Variants in TNFRSF9 observed in about 807,000 individuals in gnomAD.
TNFRSF9 encodes the protein tumor necrosis factor receptor superfamily member 9.
TNFRSF9 carries 16 observed loss-of-function variants against 28.8 expected under a neutral mutation model. The observed-to-expected ratio is 0.55, with a 90% CI of 0.38 to 0.84. The LOEUF (loss-of-function observed/expected upper bound fraction) is 0.84, where lower values mean the gene tolerates loss of function less well. Among genes scored for constraint, TNFRSF9 ranks in the 40% least tolerant of loss-of-function variants. The probability of loss-of-function intolerance (pLI) is 0.00; values close to 1 mark genes in which losing one functional copy is unlikely to be tolerated. For synonymous variants in TNFRSF9, 131 were observed against 117.0 expected, an observed-to-expected ratio of 1.12 and a Z score of -0.77; for missense variants, 303 against 315.0, an observed-to-expected ratio of 0.96 and a Z score of 0.29.
rs552975957 is a variant in TNFRSF9 at position 7,917,289 on chromosome 1, C to T, written c.*3546G>A. 22 of 152,282 alleles carry T rather than the reference C, an allele frequency of 1.4e-4. No individual in the cohort carries two copies. The highest frequency in any genetic ancestry group is 4.6e-4 in the African/African-American group (19 of 41,552). 9.4% of individuals were successfully genotyped at this position (152,282 alleles called of 1,614,324 possible). A position where few individuals can be genotyped will look rare whatever the true frequency, so the allele number is the denominator to read the frequency against. ...TGGAGGGAGATGTCCTACCGGATAT[C>T]GAGAGCTGTTACAAAGCTATTGTAA... On this transcript the variant is annotated 3_prime_UTR_variant, in exon 8 of 8. Coordinates refer to ENST00000377507, the MANE Select transcript of TNFRSF9 (RefSeq NM_001561.6).
chr1:7,927,285 A>T (rs1218401317), intron 7 of TNFRSF9, among the ~76,000 whole-genome samples: 1 of 152,156 alleles, frequency 6.6e-6, no homozygotes, highest in East Asian at 1.9e-4. Flanking sequence ...TGTTCAAAGG[A>T]TGCAGTCTCA....
chr1:7,929,242 T>G (rs1246333104), intron 7 of TNFRSF9, among the ~76,000 whole-genome samples: 1 of 144,868 alleles, frequency 6.9e-6, no homozygotes, highest in Non-Finnish European at 1.5e-5. Flanking sequence ...ATCAGCTCAC[T>G]GCAACCTCCG....
At chr1:7,940,099 C>A in intron 1 of TNFRSF9, 21 bp from the exon 2 acceptor site, 1 of 755,190 alleles carries the variant, frequency 1.3e-6, no homozygotes, top group South Asian at 2.1e-5. Context: ...TAAACATTTC[C>A]AAGGAAAGGT....
At chr1:7,929,157 CCTTTTTTTTTTT>C (rs1420042793) in intron 7 of TNFRSF9, among the ~76,000 whole-genome samples, 3,960 of 65,480 alleles carry the variant, frequency 0.06, 100 homozygotes, top group South Asian at 0.14. Context: ...TTTTCTTTTT[CCTTTTTTTTTTT>C]TTTTTTTTTT....
At chr1:7,930,272 G>A (rs1639714770) in intron 7 of TNFRSF9, among the ~76,000 whole-genome samples, 2 of 152,082 alleles carry the variant, frequency 1.3e-5, no homozygotes, top group Non-Finnish European at 2.9e-5. Flanking sequence ...CCAGCCAGAA[G>A]GAAGGCTTCC....
chr1:7,938,067 A>C, intron 4 of TNFRSF9, 126 bp downstream of exon 4: 1 of 717,822 alleles, frequency 1.4e-6, no homozygotes, highest in South Asian at 4.1e-5. Flanking sequence ...AAAATATGAT[A>C]TATCATATAC....
At chr1:7,930,950 A>G (rs1639724385) in intron 7 of TNFRSF9, among the ~76,000 whole-genome samples, 4 of 152,238 alleles carry the variant, frequency 2.6e-5, no homozygotes, top group Admixed American at 2.6e-4. Flanking sequence ...AGACAATCCT[A>G]TGAGAAAATA....
At chr1:7,936,118 T>A (rs1639811878) in intron 5 of TNFRSF9, among the ~76,000 whole-genome samples, 1 of 152,128 alleles carries the variant, frequency 6.6e-6, no homozygotes, top group Non-Finnish European at 1.5e-5. Context: ...AGACCTTTTT[T>A]AAAAAGCCAC....
intron 7 of TNFRSF9, among the ~76,000 whole-genome samples, chr1:7,923,849 A>C (rs537264759): frequency 6.6e-6 from 1 of 150,878 alleles, no homozygotes; most frequent in Non-Finnish European, 1.5e-5. Flanking sequence ...CTTCTAAAAA[A>C]TTTTTTTTTT....
intron 6 of TNFRSF9, among the ~76,000 whole-genome samples, chr1:7,933,884 G>A (rs888601321): frequency 3.3e-5 from 5 of 151,978 alleles, no homozygotes; most frequent in Non-Finnish European, 5.9e-5. Flanking sequence ...GGGTGCCGTG[G>A]TGGGCGCCTG....
In TNFRSF9 at chr1:7,935,006, C is replaced by G; in HGVS notation, c.544+7G>C. ...CGCACTTTGGCGTAAAGGCATAGCCCAGTTACCTGGCTCTCTCGCAGGGGC... is the reference window on the plus strand; with the variant it reads ...CGCACTTTGGCGTAAAGGCATAGCCGAGTTACCTGGCTCTCTCGCAGGGGC... On this transcript the variant is annotated splice_region_variant and intron_variant, in intron 6 of 7. Coordinates refer to ENST00000377507, the MANE Select transcript of TNFRSF9 (RefSeq NM_001561.6). 1 of 1,613,936 alleles carries G rather than the reference C, an allele frequency of 6.2e-7. No homozygotes were observed. The highest frequency in any genetic ancestry group is 1.3e-5 in the African/African-American group (1 of 75,052).
chr1:7,920,322 T>TA lies in TNFRSF9; in HGVS notation c.*512dup, dbSNP rs397749144. ...GAAAATGCTTTTTTTTTTTTTTTTT[T>TA]ATCACCAGCTCTGTCCTCATCTGTC... On this transcript the variant is annotated 3_prime_UTR_variant, in exon 8 of 8. Coordinates refer to ENST00000377507, the MANE Select transcript of TNFRSF9 (RefSeq NM_001561.6). 4.0e-5 allele frequency: 6 copies of TA among 148,182 alleles called. No homozygotes were observed. Among genetic ancestry groups the TA allele is most frequent in the African/African-American group, 1.0e-4 (4 of 39,850 alleles). 9.2% of individuals were successfully genotyped at this position (148,182 alleles called of 1,614,324 possible).
intron 7 of TNFRSF9, among the ~76,000 whole-genome samples, chr1:7,926,907 C>T (rs9658020): frequency 5.4e-4 from 82 of 152,286 alleles, no homozygotes; most frequent in African/African-American, 1.9e-3. Flanking sequence ...GCTAAAACCT[C>T]TCACACCTTA....
chr1:7,931,338 G>A (rs969823591), intron 7 of TNFRSF9, among the ~76,000 whole-genome samples: 8 of 152,172 alleles, frequency 5.3e-5, no homozygotes, highest in African/African-American at 1.7e-4. Context: ...ATATTCAAAC[G>A]TCATTACATG....
At chr1:7,928,102 A>G (rs1259260153) in intron 7 of TNFRSF9, among the ~76,000 whole-genome samples, 1 of 152,224 alleles carries the variant, frequency 6.6e-6, no homozygotes, top group Admixed American at 6.5e-5. Flanking sequence ...TTAAAGCCCC[A>G]ATGAGATGTC....
rs193200509 is a variant in TNFRSF9, at chr1:7,939,804, T to C, written c.100+91A>G. Reference sequence around the variant, plus strand: ...GAATGAATTTTCATTTTCCTTTCCTTAAAAGGGAGCTCGTTAGCCCTGACT... The same window carrying C: ...GAATGAATTTTCATTTTCCTTTCCTCAAAAGGGAGCTCGTTAGCCCTGACT... On this transcript the variant is annotated intron_variant, in intron 2 of 7. Coordinates refer to ENST00000377507, the MANE Select transcript of TNFRSF9 (RefSeq NM_001561.6). The C allele has an allele frequency of 1.4e-5, 13 of 930,360 alleles. No individual in the cohort carries two copies. The Admixed American group carries it at 2.6e-4, about 18-fold the overall frequency. The allele number at this position is 930,360 out of a possible 1,614,324, so 57.6% of individuals were successfully genotyped here. A position where few individuals can be genotyped will look rare whatever the true frequency, so the allele number is the denominator to read the frequency against.
At chr1:7,929,158 C>CT (rs1557427289) in intron 7 of TNFRSF9, among the ~76,000 whole-genome samples, 3 of 56,334 alleles carry the variant, frequency 5.3e-5, no homozygotes, top group African/African-American at 2.8e-4. Flanking sequence ...TTTCTTTTTC[C>CT]TTTTTTTTTT....
At chr1:7,930,386 A>G (rs1639717264) in intron 7 of TNFRSF9, among the ~76,000 whole-genome samples, 1 of 152,214 alleles carries the variant, frequency 6.6e-6, no homozygotes, top group East Asian at 1.9e-4. Context: ...TTACAGTTCC[A>G]TTGAAACTCA....
At position 7,916,817 on chromosome 1, in the gene TNFRSF9, C is replaced by T. The variant is rs1370221588; in HGVS notation, c.*4018G>A. ...AGATGACTCAATTCTGTAAAATTATCAACTCTCCCTAAATTGACCTGTAGA... is the reference window on the plus strand; with the variant it reads ...AGATGACTCAATTCTGTAAAATTATTAACTCTCCCTAAATTGACCTGTAGA... On this transcript the variant is annotated 3_prime_UTR_variant, in exon 8 of 8. Coordinates refer to ENST00000377507, the MANE Select transcript of TNFRSF9 (RefSeq NM_001561.6). 1 of 152,194 alleles carries T rather than the reference C, an allele frequency of 6.6e-6. No homozygotes were observed. Among genetic ancestry groups the T allele is most frequent in the Non-Finnish European group, 1.5e-5 (1 of 68,038 alleles). The allele number at this position is 152,194 out of a possible 1,614,324, so 9.4% of individuals were successfully genotyped here.
Sources: gnomAD v4.1 joint callset for allele counts (sites outside exome capture counted in the v4.1 genomes callset) on GRCh38, gnomAD v4.1.1 for gene constraint, MANE v1.5 for transcripts, NCBI Gene and HGNC (gene_info 2026-07-23, HGNC 2026-07-21) for gene names.